The following KCNQ5 variants were observed in gnomAD, a reference collection of about 807,000 sequenced individuals.
KCNQ5 encodes potassium voltage-gated channel subfamily KQT member 5.
KCNQ5 carries 30 observed loss-of-function variants against 98.2 expected under a neutral mutation model. The observed-to-expected ratio is 0.31, with a 90% CI of 0.23 to 0.41. The LOEUF (loss-of-function observed/expected upper bound fraction) is 0.41. KCNQ5 is among the 10% of genes least tolerant of loss of function. KCNQ5 has a pLI of 1.00. For synonymous variants in KCNQ5, 458 were observed against 449.4 expected, an observed-to-expected ratio of 1.02 and a Z score of -0.24; for missense variants, 835 against 1,182.5, an observed-to-expected ratio of 0.71 and a Z score of 4.31.
chr6:73,162,241 T>G (rs915314700), intron 10 of KCNQ5, among the ~76,000 whole-genome samples: 1 of 152,140 alleles, frequency 6.6e-6, no homozygotes, highest in Non-Finnish European at 1.5e-5. Context: ...TAGCTCTTTT[T>G]AAATGTCAGG....
intron 1 of KCNQ5, among the ~76,000 whole-genome samples, chr6:72,784,345 G>A (rs971607002): frequency 6.6e-6 from 1 of 152,160 alleles, no homozygotes; most frequent in Non-Finnish European, 1.5e-5. Flanking sequence ...AGAAGAGAGA[G>A]AGCAGAGAGA....
At chr6:73,082,974 T>G (rs1246173743) in intron 5 of KCNQ5, among the ~76,000 whole-genome samples, 1 of 145,290 alleles carries the variant, frequency 6.9e-6, no homozygotes, top group East Asian at 2.1e-4. Flanking sequence ...CGCTGCAGCC[T>G]CAACCTCCCA....
intron 5 of KCNQ5, among the ~76,000 whole-genome samples, chr6:73,080,270 A>C (rs1234019522): frequency 1.3e-5 from 2 of 152,170 alleles, no homozygotes; most frequent in African/African-American, 4.8e-5. Flanking sequence ...TTTAACCCGT[A>C]CTTAACAGGT....
chr6:73,148,701 A>G (rs1431648027), intron 10 of KCNQ5, among the ~76,000 whole-genome samples: 2 of 152,194 alleles, frequency 1.3e-5, no homozygotes, highest in Non-Finnish European at 2.9e-5. Flanking sequence ...CTGAGAATAT[A>G]GTTTTCTGAG....
At chr6:72,733,810 A>G (rs1484766174) in intron 1 of KCNQ5, among the ~76,000 whole-genome samples, 2 of 152,236 alleles carry the variant, frequency 1.3e-5, no homozygotes, top group Non-Finnish European at 2.9e-5. Context: ...TGAGTTGCCT[A>G]GGAGCAGATC....
intron 1 of KCNQ5, among the ~76,000 whole-genome samples, chr6:72,968,742 T>G (rs1767737149): frequency 6.6e-6 from 1 of 152,232 alleles, no homozygotes; most frequent in African/African-American, 2.4e-5. Flanking sequence ...TCCACAATTA[T>G]CCATATATAC....
intron 11 of KCNQ5, among the ~76,000 whole-genome samples, chr6:73,181,883 C>A (rs1462334231): frequency 6.6e-6 from 1 of 152,140 alleles, no homozygotes; most frequent in Non-Finnish European, 1.5e-5. Context: ...GGCAATAGTA[C>A]CCTTATCATA....
At chr6:72,652,874 A>G (rs750526651) in intron 1 of KCNQ5, among the ~76,000 whole-genome samples, 1 of 152,074 alleles carries the variant, frequency 6.6e-6, no homozygotes, top group Non-Finnish European at 1.5e-5. Flanking sequence ...TTTCCCATCT[A>G]GAAAATGAGA....
At chr6:72,829,055 A>T (rs554214495) in intron 1 of KCNQ5, among the ~76,000 whole-genome samples, 41 of 152,164 alleles carry the variant, frequency 2.7e-4, no homozygotes, top group Non-Finnish European at 5.6e-4. Context: ...TAGATATATG[A>T]CACGTTCATG....
intron 1 of KCNQ5, among the ~76,000 whole-genome samples, chr6:72,949,553 T>C (rs1038432731): frequency 2.6e-5 from 4 of 152,238 alleles, no homozygotes; most frequent in African/African-American, 9.6e-5. Flanking sequence ...TATTATAAAC[T>C]GTAGAGAAAA....
chr6:73,005,742 G>A (rs1266092552), intron 2 of KCNQ5, among the ~76,000 whole-genome samples: 3 of 152,226 alleles, frequency 2.0e-5, no homozygotes, highest in East Asian at 3.8e-4. Flanking sequence ...AGGTGGAAAT[G>A]AGTTCCTCTA....
intron 11 of KCNQ5, among the ~76,000 whole-genome samples, chr6:73,177,730 T>C (rs1355514232): frequency 6.6e-6 from 1 of 152,208 alleles, no homozygotes; most frequent in Non-Finnish European, 1.5e-5. Flanking sequence ...TGCAAGTCAC[T>C]ATTAAGACAT....
At chr6:72,880,904 G>A (rs1481610924) in intron 1 of KCNQ5, among the ~76,000 whole-genome samples, 1 of 152,132 alleles carries the variant, frequency 6.6e-6, no homozygotes, top group East Asian at 1.9e-4. Context: ...TAAGTGGTAG[G>A]ATTGATAGCC....
intron 1 of KCNQ5, among the ~76,000 whole-genome samples, chr6:72,799,954 A>G (rs1238106386): frequency 6.6e-6 from 1 of 152,196 alleles, no homozygotes; most frequent in Non-Finnish European, 1.5e-5. Context: ...AATTTTATTT[A>G]TTATATCATA....
chr6:72,763,624 T>C (rs555153531), intron 1 of KCNQ5, among the ~76,000 whole-genome samples: 1 of 152,202 alleles, frequency 6.6e-6, no homozygotes, highest in East Asian at 1.9e-4. Context: ...ACAAAGGTGT[T>C]CATTTCAAGA....
chr6:72,804,663 TC>T (rs1273923221), intron 1 of KCNQ5, among the ~76,000 whole-genome samples: 2 of 152,174 alleles, frequency 1.3e-5, no homozygotes, highest in African/African-American at 4.8e-5. Context: ...TGATTTCCTT[TC>T]TTTTGGGTCC....
intron 1 of KCNQ5, among the ~76,000 whole-genome samples, chr6:72,758,019 G>T (rs956769602): frequency 1.9e-4 from 29 of 152,084 alleles, no homozygotes; most frequent in African/African-American, 6.3e-4. Context: ...CTGGTAAAGG[G>T]ATATACAGAG....
chr6:73,061,719 G>T (rs1022432613), intron 3 of KCNQ5, among the ~76,000 whole-genome samples: 5 of 152,102 alleles, frequency 3.3e-5, no homozygotes, highest in African/African-American at 1.2e-4. Flanking sequence ...TTTAAACTTA[G>T]AATTTTAGTT....
chr6:72,961,685 A>T (rs998640564), intron 1 of KCNQ5, among the ~76,000 whole-genome samples: 10 of 150,472 alleles, frequency 6.6e-5, no homozygotes, highest in Non-Finnish European at 3.0e-5. Flanking sequence ...GGGGATTTGG[A>T]CGGGCTGAGA....
Sources: gnomAD v4.1 joint callset for allele counts (sites outside exome capture counted in the v4.1 genomes callset) on GRCh38, gnomAD v4.1.1 for gene constraint, MANE v1.5 for transcripts, NCBI Gene and HGNC (gene_info 2026-07-23, HGNC 2026-07-21) for gene names.